Variants in GRIA4 observed in about 807,000 individuals in gnomAD.
GRIA4 encodes the protein glutamate receptor 4.
GRIA4 carries 34 observed loss-of-function variants against 104.0 expected under a neutral mutation model. That is an observed-to-expected ratio of 0.33 (90% confidence interval 0.25 to 0.44). GRIA4 has a LOEUF of 0.44. Among genes scored for constraint, GRIA4 ranks in the 20% least tolerant of loss-of-function variants. The probability of loss-of-function intolerance (pLI) is 1.00; values close to 1 mark genes in which losing one functional copy is unlikely to be tolerated. For synonymous variants in GRIA4, 386 were observed against 381.9 expected (o/e 1.01, Z -0.13); for missense variants, 750 against 1,096.5 (o/e 0.68, Z 4.46).
intron 4 of GRIA4, among the ~76,000 whole-genome samples, chr11:105,816,187 A>T (rs945557654): frequency 6.6e-6 from 1 of 152,158 alleles, no homozygotes; most frequent in Non-Finnish European, 1.5e-5. Flanking sequence ...GGAAAATATT[A>T]CCTATCCTGT....
chr11:105,779,819 C>G (rs1476876571), intron 4 of GRIA4, among the ~76,000 whole-genome samples: 1 of 124,882 alleles, frequency 8.0e-6, no homozygotes, highest in African/African-American at 3.0e-5. Flanking sequence ...TTCAAAGGAT[C>G]ATGGTAAGCT....
intron 4 of GRIA4, among the ~76,000 whole-genome samples, chr11:105,832,764 G>A (rs1048440110): frequency 1.3e-5 from 2 of 151,964 alleles, no homozygotes; most frequent in Admixed American, 6.6e-5. Context: ...CAGAAGCTGG[G>A]ACTCAAGGGT....
rs757089866 is a variant in GRIA4 at position 105,898,434 on chromosome 11, GT to G, written c.885+10del. 36 of 1,517,178 alleles carry G rather than the reference GT, an allele frequency of 2.4e-5. No homozygotes were observed. The South Asian group carries it at 3.8e-4, about 16-fold the overall frequency. 94.0% of individuals were successfully genotyped at this position (1,517,178 alleles called of 1,614,324 possible). A position where few individuals can be genotyped will look rare whatever the true frequency, so the allele number is the denominator to read the frequency against. On this transcript the variant is annotated splice_region_variant and intron_variant, in intron 7 of 16. Coordinates refer to ENST00000282499, the MANE Select transcript of GRIA4 (RefSeq NM_000829.4). ...ATCTGAGACTCCTCCAAAGGTATTT[GT>G]TTATTTTTATCTACTGTATTACTGA...
intron 3 of GRIA4, among the ~76,000 whole-genome samples, chr11:105,653,692 C>T (rs933844302): frequency 4.0e-5 from 6 of 151,860 alleles, no homozygotes; most frequent in South Asian, 2.1e-4. Context: ...TCTGGGTAAA[C>T]ATAATAGGGT....
intron 3 of GRIA4, among the ~76,000 whole-genome samples, chr11:105,634,523 A>AGAAGAAG (rs1951152091): frequency 4.7e-5 from 2 of 42,292 alleles, no homozygotes; most frequent in Non-Finnish European, 1.8e-4. Context: ...GAAGAAAGAA[A>AGAAGAAG]GAAAGAAAAG....
rs73630128 is a variant in GRIA4 at position 105,743,528 on chromosome 11, G to A, written c.248-9453G>A. On this transcript the variant is annotated intron_variant, in intron 3 of 16. Transcript: ENST00000282499. ...TATCATCAGACAAGAGGTTTTCACC[G>A]CACATTGTTCCTGTAGAATCTCATG... is the stretch of plus-strand genomic sequence containing the variant. Among the ~76,000 whole-genome samples, 1,269 of 152,128 alleles carry A rather than the reference G, an allele frequency of 8.3e-3. 18 individuals carry two copies. Among genetic ancestry groups the A allele is most frequent in the African/African-American group, 0.029 (1,192 of 41,488 alleles).
At chr11:105,869,929 T>C (rs1190604533) in intron 5 of GRIA4, among the ~76,000 whole-genome samples, 2 of 152,030 alleles carry the variant, frequency 1.3e-5, no homozygotes, top group Non-Finnish European at 2.9e-5. Flanking sequence ...GTAGTGTAAT[T>C]TTTACCAAAA....
At chr11:105,905,050 A>G in intron 8 of GRIA4, 147 bp from the exon 9 acceptor site, 1 of 575,410 alleles carries the variant, frequency 1.7e-6, no homozygotes, top group Non-Finnish European at 3.1e-6. Context: ...ATGCTATCCC[A>G]ATAGCTCAAA....
intron 14 of GRIA4, among the ~76,000 whole-genome samples, chr11:105,955,698 G>A (rs1332660709): frequency 2.0e-5 from 3 of 152,132 alleles, no homozygotes; most frequent in Non-Finnish European, 4.4e-5. Context: ...TCACCATATT[G>A]TCTTCCACAA....
intron 4 of GRIA4, among the ~76,000 whole-genome samples, chr11:105,848,985 G>A (rs1944697613): frequency 6.6e-6 from 1 of 152,064 alleles, no homozygotes; most frequent in South Asian, 2.1e-4. Flanking sequence ...CTGAGGTCAG[G>A]AGTTCGAGAC....
At chr11:105,815,512 A>G (rs1157716228) in intron 4 of GRIA4, among the ~76,000 whole-genome samples, 1 of 152,192 alleles carries the variant, frequency 6.6e-6, no homozygotes, top group African/African-American at 2.4e-5. Flanking sequence ...GAATGCCCTC[A>G]TGTGTTGGGT....
intron 5 of GRIA4, among the ~76,000 whole-genome samples, chr11:105,870,835 ACGT>A (rs1443331114): frequency 6.6e-6 from 1 of 152,058 alleles, no homozygotes; most frequent in Non-Finnish European, 1.5e-5. Flanking sequence ...AACATGATTG[ACGT>A]CGTGTTTTAG....
intron 4 of GRIA4, among the ~76,000 whole-genome samples, chr11:105,841,922 T>C (rs997754519): frequency 6.6e-5 from 10 of 152,224 alleles, no homozygotes; most frequent in Admixed American, 1.3e-4. Context: ...ACTGTCTTTC[T>C]CTCATTGAAT....
At chr11:105,790,636 C>A (rs1942175565) in intron 4 of GRIA4, among the ~76,000 whole-genome samples, 1 of 152,068 alleles carries the variant, frequency 6.6e-6, no homozygotes, top group Non-Finnish European at 1.5e-5. Context: ...TGCCTCAAGC[C>A]AGGGAAATAA....
At chr11:105,655,508 G>GC (rs1253229109) in intron 3 of GRIA4, among the ~76,000 whole-genome samples, 1 of 151,878 alleles carries the variant, frequency 6.6e-6, no homozygotes. Flanking sequence ...CCCTCAACAG[G>GC]CCCGGGTGTG....
chr11:105,639,985 G>T (rs1449755347), intron 3 of GRIA4, among the ~76,000 whole-genome samples: 2 of 151,800 alleles, frequency 1.3e-5, no homozygotes, highest in Admixed American at 6.6e-5. Flanking sequence ...GGCAGCATTT[G>T]TCATACTTGT....
At chr11:105,720,897 T>G (rs1322933707) in intron 3 of GRIA4, among the ~76,000 whole-genome samples, 2 of 152,180 alleles carry the variant, frequency 1.3e-5, no homozygotes, top group Non-Finnish European at 2.9e-5. Flanking sequence ...TTGAGATTAT[T>G]TGATTTAAGC....
intron 7 of GRIA4, among the ~76,000 whole-genome samples, chr11:105,903,262 T>C (rs1417178825): frequency 6.6e-6 from 1 of 152,238 alleles, no homozygotes; most frequent in Non-Finnish European, 1.5e-5. Context: ...GATAAGTAGA[T>C]ATTATTTCTG....
At chr11:105,788,555 T>C (rs925781022) in intron 4 of GRIA4, among the ~76,000 whole-genome samples, 1 of 152,172 alleles carries the variant, frequency 6.6e-6, no homozygotes, top group Admixed American at 6.5e-5. Flanking sequence ...TGGAATACTA[T>C]GCAGCCAGAA....
Sources: gnomAD v4.1 joint callset for allele counts (sites outside exome capture counted in the v4.1 genomes callset) on GRCh38, gnomAD v4.1.1 for gene constraint, MANE v1.5 for transcripts, NCBI Gene and HGNC (gene_info 2026-07-23, HGNC 2026-07-21) for gene names.